The following METTL15 variants were observed in gnomAD, a reference collection of about 807,000 sequenced individuals.
METTL15 encodes methyltransferase 15, mitochondrial 12S rRNA N4-cytidine, also known as 12S rRNA N(4)-cytidine methyltransferase METTL15.
Under a neutral mutation model 38.3 loss-of-function variants are expected in METTL15, and 34 were observed. The ratio of observed to expected loss-of-function variants is 0.89; its 90% CI spans 0.68 to 1.18. The LOEUF (loss-of-function observed/expected upper bound fraction) is 1.18. Among genes scored for constraint, METTL15 ranks in the 50% most tolerant of loss-of-function variants. The pLI, the probability that METTL15 is intolerant of heterozygous loss-of-function variation, is 0.00. For synonymous variants in METTL15, 162 were observed against 170.9 expected (o/e 0.95, Z 0.41); for missense variants, 438 against 498.4 (o/e 0.88, Z 1.15).
intron 5 of METTL15, among the ~76,000 whole-genome samples, chr11:28,382,639 G>A (rs1850400565): frequency 6.6e-6 from 1 of 152,008 alleles, no homozygotes; most frequent in Non-Finnish European, 1.5e-5. Context: ...TTCAAGACCA[G>A]CCTGACCAAG....
chr11:28,393,403 A>G (rs998772038), intron 5 of METTL15, among the ~76,000 whole-genome samples: 1 of 152,176 alleles, frequency 6.6e-6, no homozygotes, highest in Admixed American at 6.6e-5. Context: ...AGAAATGATA[A>G]TCATTTATTA....
At chr11:28,402,861 A>C (rs984576255) in intron 5 of METTL15, among the ~76,000 whole-genome samples, 1 of 151,512 alleles carries the variant, frequency 6.6e-6, no homozygotes, top group Non-Finnish European at 1.5e-5. Flanking sequence ...TGAGTCTCCA[A>C]TGTTTGTCAT....
At chr11:28,335,584 T>C (rs1849894039), downstream of METTL15, among the ~76,000 whole-genome samples, 1 of 152,196 alleles carries the variant, frequency 6.6e-6, no homozygotes, top group Non-Finnish European at 1.5e-5. Flanking sequence ...ATGTTAGAGG[T>C]GGTACCTAAT....
chr11:28,120,211 C>CA (rs1396561611), intron 3 of METTL15, among the ~76,000 whole-genome samples: 3 of 151,132 alleles, frequency 2.0e-5, no homozygotes, highest in Non-Finnish European at 4.4e-5. Flanking sequence ...CTCAGCCTCC[C>CA]AAAGTGCTGG....
intron 5 of METTL15, among the ~76,000 whole-genome samples, chr11:28,414,227 A>G (rs1850752788): frequency 6.6e-6 from 1 of 152,118 alleles, no homozygotes; most frequent in South Asian, 2.1e-4. Flanking sequence ...ACCTGGAGCT[A>G]AGACAAACTT....
intron 3 of METTL15, among the ~76,000 whole-genome samples, chr11:28,351,118 ATTT>A (rs71050956): frequency 6.6e-6 from 1 of 150,916 alleles, no homozygotes; most frequent in Non-Finnish European, 1.5e-5. Context: ...TTTAAAAAAA[ATTT>A]TTTTTTTTTA....
intron 6 of METTL15, among the ~76,000 whole-genome samples, chr11:28,524,312 G>A (rs1851791628): frequency 6.6e-6 from 1 of 152,160 alleles, no homozygotes; most frequent in South Asian, 2.1e-4. Context: ...TAGATTAAAG[G>A]TATGTGGCCT....
At chr11:28,272,568 G>C (rs1454598925) in intron 4 of METTL15, among the ~76,000 whole-genome samples, 3 of 152,138 alleles carry the variant, frequency 2.0e-5, no homozygotes, top group African/African-American at 7.2e-5. Flanking sequence ...GTGCCTGCCA[G>C]GGGGTGTGCG....
At chr11:28,391,324 G>A (rs1850504331) in intron 5 of METTL15, among the ~76,000 whole-genome samples, 1 of 152,148 alleles carries the variant, frequency 6.6e-6, no homozygotes, top group African/African-American at 2.4e-5. Context: ...CAAAGGGAAT[G>A]CTTCCAGTTT....
In METTL15 at chr11:28,376,530, G is replaced by C. The variant is rs369666472; in HGVS notation, c.*358+14494G>C. ...TTCCATTTGCTTGGTAGATCTTCCT[G>C]CATCCTTTTATTTTGAGCCTATGTG... On this transcript the variant is annotated intron_variant and NMD_transcript_variant, in intron 5 of 7. Coordinates refer to the METTL15 transcript ENST00000532947. Among the ~76,000 whole-genome samples the C allele has an allele frequency of 2.0e-3, 305 of 152,152 alleles. 1 individual carries two copies. Among genetic ancestry groups the C allele is most frequent in the African/African-American group, 6.0e-3 (250 of 41,512 alleles).
chr11:28,314,813 T>C (rs980177389), intron 6 of METTL15, among the ~76,000 whole-genome samples: 1 of 152,196 alleles, frequency 6.6e-6, no homozygotes, highest in Non-Finnish European at 1.5e-5. Flanking sequence ...CATGCTGTTC[T>C]CCTGATAGTG....
intron 3 of METTL15, among the ~76,000 whole-genome samples, chr11:28,193,674 A>G (rs1284872868): frequency 6.6e-6 from 1 of 152,124 alleles, no homozygotes; most frequent in Non-Finnish European, 1.5e-5. Flanking sequence ...ACATCTCCAA[A>G]GGTTTATCTG....
chr11:28,224,424 A>G (rs1283465290), intron 4 of METTL15, among the ~76,000 whole-genome samples: 2 of 151,886 alleles, frequency 1.3e-5, no homozygotes, highest in Non-Finnish European at 2.9e-5. Flanking sequence ...TTTTTTCTTA[A>G]TTAAAATTAA....
intron 1 of METTL15, 96 bp downstream of exon 1, chr11:28,108,548 AT>A (rs1851584586): frequency 6.6e-6 from 1 of 152,100 alleles, no homozygotes; most frequent in Admixed American, 6.6e-5. Context: ...CTGGGTGTTT[AT>A]TTTCTTTTCT....
chr11:28,501,159 A>C (rs528156649), intron 6 of METTL15, among the ~76,000 whole-genome samples: 8 of 152,326 alleles, frequency 5.3e-5, no homozygotes, highest in Middle Eastern at 3.4e-3. Flanking sequence ...GGTAATACTC[A>C]TATCAGCTAG....
chr11:28,359,002 G>A (rs1042213447), intron 4 of METTL15, among the ~76,000 whole-genome samples: 1 of 152,090 alleles, frequency 6.6e-6, no homozygotes, highest in African/African-American at 2.4e-5. Flanking sequence ...AGGATGCTGA[G>A]GTTTGGGGTA....
chr11:28,280,457 A>G lies in METTL15; in HGVS notation c.408-9749A>G, dbSNP rs143727792. ...TCCTGTTGTCTTTTCACATTTTACT[A>G]TGATGGTCCTAGTTTTGCATTTTTG... On this transcript the variant is annotated intron_variant, in intron 4 of 6. Transcript: ENST00000407364. 8.0e-4 allele frequency among the ~76,000 whole-genome samples: 122 copies of G among 152,090 alleles called. 2 individuals are homozygous for G. In the East Asian group the frequency reaches 0.021, roughly 27 times the overall value.
At chr11:28,221,206 T>C (rs544433221) in intron 4 of METTL15, among the ~76,000 whole-genome samples, 1 of 152,144 alleles carries the variant, frequency 6.6e-6, no homozygotes, top group Non-Finnish European at 1.5e-5. Flanking sequence ...ACCAATCAGA[T>C]GTAGATTTGG....
rs1458388038 is a variant in METTL15, at chr11:28,513,272, G to A, written c.*425-13206G>A. 5.3e-5 allele frequency among the ~76,000 whole-genome samples: 8 copies of A among 152,156 alleles called. No homozygotes were observed. In the East Asian group the frequency reaches 5.8e-4, roughly 11 times the overall value. On this transcript the variant is annotated intron_variant and NMD_transcript_variant, in intron 6 of 7. Coordinates refer to the METTL15 transcript ENST00000532947. ...CCTCTAACTGGTTTATTTTTTAGGC[G>A]GGAGACATGGGGTGGGGCATAAGAA...
Sources: gnomAD v4.1 joint callset for allele counts (sites outside exome capture counted in the v4.1 genomes callset) on GRCh38, gnomAD v4.1.1 for gene constraint, MANE v1.5 for transcripts, NCBI Gene and HGNC (gene_info 2026-07-23, HGNC 2026-07-21) for gene names.